DTNA: variants seen among roughly 807,000 people sequenced by gnomAD.
DTNA encodes dystrobrevin alpha.
In DTNA, 43 loss-of-function variants were observed where a neutral mutation model predicts 100.7. The observed-to-expected ratio is 0.43, with a 90% CI of 0.33 to 0.55. DTNA has a LOEUF of 0.55. Ranked by LOEUF, DTNA falls within the 20% of genes least tolerant of loss-of-function variation. The probability of loss-of-function intolerance (pLI) is 0.04; values close to 1 mark genes in which losing one functional copy is unlikely to be tolerated. For missense variants in DTNA, 798 were observed against 953.9 expected, an observed-to-expected ratio of 0.84 and a Z score of 2.15; for synonymous variants, 349 against 347.9, an observed-to-expected ratio of 1.00 and a Z score of -0.04.
intron 1 of DTNA, among the ~76,000 whole-genome samples, chr18:34,705,060 G>A (rs931465514): frequency 5.9e-5 from 9 of 151,886 alleles, no homozygotes; most frequent in South Asian, 2.1e-4. Context: ...CTACCCCAAC[G>A]TACTAAAAGG....
chr18:34,801,758 C>G (rs1205783605), intron 4 of DTNA, among the ~76,000 whole-genome samples: 2 of 152,088 alleles, frequency 1.3e-5, no homozygotes, highest in Admixed American at 6.5e-5. Context: ...TTCTGCCCAC[C>G]TCAGTCTCCC....
rs71166024 is a variant in DTNA, at chr18:34,749,643, A to AAAT, written c.-1-6300_-1-6298dup. ...GTGAGCTCATGCACCTCTCTCCAAA[A>AAAT]AATAATAATAATAATAATAATAATA... On this transcript the variant is annotated intron_variant, in intron 1 of 22. Coordinates refer to ENST00000444659, the MANE Select transcript of DTNA (RefSeq NM_001386795.1). 2.7e-3 allele frequency among the ~76,000 whole-genome samples: 108 copies of AAAT among 39,850 alleles called. 1 individual carries two copies. Among genetic ancestry groups the AAAT allele is most frequent in the African/African-American group, 7.5e-3 (104 of 13,838 alleles). 26.1% of individuals were successfully genotyped at this position (39,850 alleles called of 152,430 possible).
chr18:34,589,819 TG>T (rs1342365757), intron 1 of DTNA, among the ~76,000 whole-genome samples: 1 of 152,224 alleles, frequency 6.6e-6, no homozygotes, highest in East Asian at 1.9e-4. Context: ...TCTATATATT[TG>T]ATTTTTTAAA....
intron 1 of DTNA, among the ~76,000 whole-genome samples, chr18:34,746,169 AAC>A (rs936751443): frequency 1.3e-5 from 2 of 151,666 alleles, no homozygotes; most frequent in Non-Finnish European, 2.9e-5. Flanking sequence ...TAATTAAAAA[AAC>A]AGTCTTCTAA....
intron 3 of DTNA, among the ~76,000 whole-genome samples, chr18:34,791,592 C>G (rs537019919): frequency 6.6e-6 from 1 of 152,134 alleles, no homozygotes; most frequent in East Asian, 1.9e-4. Context: ...TAAATAACAC[C>G]AAGAAATACA....
At chr18:34,885,767 G>A (rs1257098264) in intron 22 of DTNA, among the ~76,000 whole-genome samples, 3 of 152,134 alleles carry the variant, frequency 2.0e-5, no homozygotes, top group African/African-American at 7.2e-5. Flanking sequence ...CTGCCCCTAT[G>A]TTCAGTGCTT....
chr18:34,499,037 A>T lies in DTNA; in HGVS notation c.-2+5523A>T, dbSNP rs2039602630. Among the ~76,000 whole-genome samples the T allele has an allele frequency of 1.3e-5, 2 of 152,162 alleles. 1 individual carries two copies. Among genetic ancestry groups the T allele is most frequent in the South Asian group, 4.1e-4 (2 of 4,832 alleles). ...TTGCAAAATGATAGTACAATATCAC[A>T]ACCAGGATGTTGACGTTGATACAGT... On this transcript the variant is annotated intron_variant, in intron 1 of 19. Coordinates refer to the DTNA transcript ENST00000283365.
Position 34,550,254 on chromosome 18 carries a change from G to A in DTNA, c.-2+56740G>A, listed in dbSNP as rs146767598. Among the ~76,000 whole-genome samples, 108 of 152,166 alleles carry A rather than the reference G, an allele frequency of 7.1e-4. 1 individual carries two copies. Among genetic ancestry groups the A allele is most frequent in the African/African-American group, 2.4e-3 (99 of 41,530 alleles). ...AGGATGAGAGTGGGATTTTCTCCGC[G>A]ATCCTTCTGTCAACATTTTTCATAC... On this transcript the variant is annotated intron_variant, in intron 1 of 19. Coordinates refer to the DTNA transcript ENST00000283365.
chr18:34,647,153 A>T (rs1189598709), intron 1 of DTNA, among the ~76,000 whole-genome samples: 1 of 149,186 alleles, frequency 6.7e-6, no homozygotes, highest in Non-Finnish European at 1.5e-5. Flanking sequence ...TCAAAATGAG[A>T]ATAACACACG....
At chr18:34,573,477 C>T (rs1358248804) in intron 1 of DTNA, among the ~76,000 whole-genome samples, 1 of 152,192 alleles carries the variant, frequency 6.6e-6, no homozygotes, top group African/African-American at 2.4e-5. Context: ...ATTTTGTTTA[C>T]ACATGGCTAC....
At chr18:34,575,627 A>AT (rs1444445878) in intron 1 of DTNA, among the ~76,000 whole-genome samples, 1 of 151,900 alleles carries the variant, frequency 6.6e-6, no homozygotes, top group East Asian at 1.9e-4. Context: ...TAAAGTTTGG[A>AT]TTTTTCATCG....
chr18:34,569,458 G>A (rs939738627), intron 1 of DTNA, among the ~76,000 whole-genome samples: 3 of 152,026 alleles, frequency 2.0e-5, no homozygotes, highest in Non-Finnish European at 2.9e-5. Context: ...CATGTTGGAT[G>A]ACATCTATTT....
intron 1 of DTNA, among the ~76,000 whole-genome samples, chr18:34,545,863 A>C (rs944219715): frequency 6.6e-6 from 1 of 152,052 alleles, no homozygotes; most frequent in African/African-American, 2.4e-5. Flanking sequence ...AGGCTGTAGG[A>C]AACATTAATA....
upstream of DTNA, chr18:34,709,532 C>T (rs1432474653): frequency 9.2e-5 from 14 of 152,140 alleles, no homozygotes; most frequent in Admixed American, 9.2e-4. Flanking sequence ...TTCCTTAAAT[C>T]CTAACTACAT....
At chr18:34,742,177 A>G (rs2090767110) in intron 1 of DTNA, among the ~76,000 whole-genome samples, 1 of 152,168 alleles carries the variant, frequency 6.6e-6, no homozygotes, top group Non-Finnish European at 1.5e-5. Context: ...CTGCAATGTG[A>G]TCTTGTGAAA....
chr18:34,556,483 T>C (rs1181879601), intron 1 of DTNA, among the ~76,000 whole-genome samples: 1 of 151,938 alleles, frequency 6.6e-6, no homozygotes, highest in Non-Finnish European at 1.5e-5. Context: ...CTTTACATTT[T>C]GGCATGATTT....
At chr18:34,564,758 A>C (rs2146293393) in intron 1 of DTNA, among the ~76,000 whole-genome samples, 1 of 152,274 alleles carries the variant, frequency 6.6e-6, no homozygotes, top group African/African-American at 2.4e-5. Context: ...TAATACTATT[A>C]AGTGTATCTG....
chr18:34,885,114 T>C (rs2096909523), intron 22 of DTNA, among the ~76,000 whole-genome samples: 1 of 152,230 alleles, frequency 6.6e-6, no homozygotes, highest in African/African-American at 2.4e-5. Context: ...TATCGGAGTT[T>C]GTAGCCGCTC....
At chr18:34,659,813 C>T (rs1169994740) in intron 1 of DTNA, among the ~76,000 whole-genome samples, 1 of 152,218 alleles carries the variant, frequency 6.6e-6, no homozygotes, top group Non-Finnish European at 1.5e-5. Flanking sequence ...GTCAGAGCTG[C>T]TGACTCATTG....
Sources: gnomAD v4.1 joint callset for allele counts (sites outside exome capture counted in the v4.1 genomes callset) on GRCh38, gnomAD v4.1.1 for gene constraint, MANE v1.5 for transcripts, NCBI Gene and HGNC (gene_info 2026-07-23, HGNC 2026-07-21) for gene names.